Variants in LRP2 observed in about 807,000 individuals in gnomAD.
LRP2 encodes the protein LDL receptor related protein 2.
Under a neutral mutation model 531.0 loss-of-function variants are expected in LRP2, and 172 were observed. The observed-to-expected ratio is 0.32, with a 90% CI of 0.29 to 0.37. The LOEUF is 0.37. Ranked by LOEUF, LRP2 falls within the 10% of genes least tolerant of loss-of-function variation. The pLI, the probability that LRP2 is intolerant of heterozygous loss-of-function variation, is 1.00. For synonymous variants in LRP2, 1,992 were observed against 2,027.6 expected (o/e 0.98, Z 0.47); for missense variants, 5,167 against 5,868.3 (o/e 0.88, Z 3.90).
intron 31 of LRP2, among the ~76,000 whole-genome samples, chr2:169,231,169 C>T (rs1041930749): frequency 6.6e-6 from 1 of 151,976 alleles, no homozygotes; most frequent in Non-Finnish European, 1.5e-5. Flanking sequence ...TGGCGTGCAC[C>T]TATAGTCTCA....
chr2:169,341,956 G>A (rs1279959038), intron 1 of LRP2, among the ~76,000 whole-genome samples: 1 of 152,062 alleles, frequency 6.6e-6, no homozygotes, highest in East Asian at 1.9e-4. Context: ...TTTAAGCCCA[G>A]ACAATTCTTT....
At chr2:169,146,604 G>A (rs1685922604) in intron 69 of LRP2, 135 bp downstream of exon 69, 3 of 660,802 alleles carry the variant, frequency 4.5e-6, no homozygotes, top group Admixed American at 4.9e-5. Flanking sequence ...GAGTTGGTGG[G>A]GGTGGAGGGG....
chr2:169,162,802 G>T (rs1686638380), intron 62 of LRP2, among the ~76,000 whole-genome samples: 1 of 152,226 alleles, frequency 6.6e-6, no homozygotes, highest in African/African-American at 2.4e-5. Flanking sequence ...TCACTACTGG[G>T]CTGAAGCAAT....
chr2:169,288,699 A>G (rs1224116317), intron 9 of LRP2, among the ~76,000 whole-genome samples: 1 of 152,232 alleles, frequency 6.6e-6, no homozygotes, highest in African/African-American at 2.4e-5. Context: ...TCAGTATTCA[A>G]TAACCAGTAT....
At chr2:169,269,338 A>G (rs1165308420) in intron 16 of LRP2, among the ~76,000 whole-genome samples, 5 of 152,164 alleles carry the variant, frequency 3.3e-5, no homozygotes, top group African/African-American at 1.2e-4. Flanking sequence ...GCATCACACT[A>G]CCTGACTTCA....
chr2:169,257,025 A>G (rs998172448), intron 18 of LRP2, 99 bp downstream of exon 18: 2 of 1,346,870 alleles, frequency 1.5e-6, no homozygotes, highest in African/African-American at 1.4e-5. Context: ...GAGGGCAAGC[A>G]GTACCAGTTT....
chr2:169,346,832 A>T (rs1685708509), intron 1 of LRP2, among the ~76,000 whole-genome samples: 2 of 152,196 alleles, frequency 1.3e-5, no homozygotes, highest in Admixed American at 1.3e-4. Context: ...GAGTCTTGCA[A>T]CTGTGTTGCT....
chr2:169,181,968 GA>G (rs1433701352), intron 51 of LRP2, among the ~76,000 whole-genome samples, 198 bp downstream of exon 51: 2 of 152,156 alleles, frequency 1.3e-5, no homozygotes, highest in Non-Finnish European at 2.9e-5. Flanking sequence ...TCAGGGAAAA[GA>G]AAACAGAAGA....
intron 64 of LRP2, 97 bp downstream of exon 64, chr2:169,157,274 A>T: frequency 3.2e-6 from 4 of 1,265,750 alleles, no homozygotes; most frequent in Non-Finnish European, 4.5e-6. Context: ...GGTACCATTA[A>T]GGGAATTAAA....
Position 169,294,272 on chromosome 2 carries a change from A to T in LRP2, c.539-11T>A, listed in dbSNP as rs2105472418. Reference sequence around the variant, plus strand: ...GCAAGCATATCTCAGCTGCAACAGAAAGTTAAGAAGGGAAAGAAAAGAGAG... The same window carrying T: ...GCAAGCATATCTCAGCTGCAACAGATAGTTAAGAAGGGAAAGAAAAGAGAG... On this transcript the variant is annotated splice_polypyrimidine_tract_variant and intron_variant, in intron 5 of 78. Transcript: ENST00000649046. The T allele has an allele frequency of 6.8e-7, 1 of 1,481,436 alleles. No individual in the cohort carries two copies. The highest frequency in any genetic ancestry group is 1.7e-5 in the Admixed American group (1 of 59,854). The allele number at this position is 1,481,436 out of a possible 1,614,324, so 91.8% of individuals were successfully genotyped here. A position where few individuals can be genotyped will look rare whatever the true frequency, so the allele number is the denominator to read the frequency against.
At chr2:169,351,546 T>C (rs906636058) in intron 1 of LRP2, among the ~76,000 whole-genome samples, 31 of 152,118 alleles carry the variant, frequency 2.0e-4, no homozygotes, top group African/African-American at 7.0e-4. Flanking sequence ...ATGATGATGG[T>C]TGAGTTATAG....
rs764937916 is a variant in LRP2 at position 169,320,921 on chromosome 2, A to G, written c.80-37T>C. On this transcript the variant is annotated intron_variant, in intron 1 of 78. Coordinates refer to ENST00000649046, the MANE Select transcript of LRP2 (RefSeq NM_004525.3). The stretch of plus-strand genomic sequence containing the variant: ...GACAGAAATTTTAAAAACTTATGCC[A>G]TGCAGATATTTAACCGAAGAAATAT... 8 of 1,378,936 alleles carry G rather than the reference A, an allele frequency of 5.8e-6. No individual in the cohort carries two copies. In the Admixed American group the frequency reaches 1.0e-4, roughly 17 times the overall value. 85.4% of individuals were successfully genotyped at this position (1,378,936 alleles called of 1,614,324 possible).
intron 52 of LRP2, among the ~76,000 whole-genome samples, chr2:169,179,791 A>G (rs1687358652): frequency 7.7e-6 from 1 of 129,810 alleles, no homozygotes; most frequent in African/African-American, 2.6e-5. Flanking sequence ...AAGATGTACA[A>G]GGAATCAATT....
At chr2:169,336,651 A>T (rs1685413876) in intron 1 of LRP2, among the ~76,000 whole-genome samples, 1 of 152,060 alleles carries the variant, frequency 6.6e-6, no homozygotes, top group Admixed American at 6.5e-5. Context: ...CCACCCTCCA[A>T]AGTATTCTCC....
At chr2:169,179,203 C>T (rs1401885143) in intron 52 of LRP2, among the ~76,000 whole-genome samples, 1 of 151,856 alleles carries the variant, frequency 6.6e-6, no homozygotes, top group Non-Finnish European at 1.5e-5. Context: ...GACAGGGTTT[C>T]GTCATGTTGC....
chr2:169,199,972 C>T (rs988169859), intron 44 of LRP2, among the ~76,000 whole-genome samples: 9 of 152,050 alleles, frequency 5.9e-5, no homozygotes, highest in East Asian at 5.8e-4. Context: ...TTTTTCTGGC[C>T]GGGTGCAGTG....
rs759665624 is a variant in LRP2 at position 169,139,642 on chromosome 2, G to A, written c.13200-32C>T. The A allele has an allele frequency of 4.6e-5, 73 of 1,596,410 alleles. No individual in the cohort carries two copies. In the South Asian group the frequency reaches 7.7e-4, roughly 17 times the overall value. On this transcript the variant is annotated intron_variant, in intron 72 of 78. Transcript: ENST00000649046. ...GGAAAAAGCAAATCATTCACTAGCT[G>A]TTATGTTCTTAGGCTTCTACTGCAT...
rs528903992 is a variant in LRP2, at chr2:169,353,484, T to A, written c.79+8837A>T. ...TACTCACATAAGCCAAGAAATACCCTTTATTGTGTAGGCCATTTTGAGTTG... is the reference window on the plus strand; with the variant it reads ...TACTCACATAAGCCAAGAAATACCCATTATTGTGTAGGCCATTTTGAGTTG... On this transcript the variant is annotated intron_variant, in intron 1 of 78. Coordinates refer to ENST00000649046, the MANE Select transcript of LRP2 (RefSeq NM_004525.3). Among the ~76,000 whole-genome samples the A allele has an allele frequency of 2.0e-5, 3 of 152,270 alleles. No individual in the cohort carries two copies. In the South Asian group the frequency reaches 6.2e-4, roughly 32 times the overall value.
intron 12 of LRP2, among the ~76,000 whole-genome samples, chr2:169,278,924 T>C (rs59076959): frequency 0.12 from 18,125 of 152,242 alleles, 1,231 homozygotes; most frequent in Non-Finnish European, 0.15. Context: ...CCAGCCTGTA[T>C]CAAGAAAGTT....
Sources: allele counts gnomAD v4.1 joint callset (sites outside exome capture counted in the v4.1 genomes callset), GRCh38; gene constraint gnomAD v4.1.1; transcripts MANE v1.5; gene names NCBI Gene and HGNC (gene_info 2026-07-23, HGNC 2026-07-21).